FARP2: variants seen among roughly 807,000 people sequenced by gnomAD.
The protein encoded by FARP2 is FERM, ARHGEF and pleckstrin domain-containing protein 2.
In FARP2, 111 loss-of-function variants were observed where a neutral mutation model predicts 130.5. That is an observed-to-expected ratio of 0.85 (90% CI 0.73 to 1.00). The LOEUF (loss-of-function observed/expected upper bound fraction) is 1.00. Ranked by LOEUF, FARP2 falls within the 50% of genes least tolerant of loss-of-function variation. The probability of loss-of-function intolerance (pLI) is 0.00; values close to 1 mark genes in which losing one functional copy is unlikely to be tolerated. For missense variants in FARP2, 1,385 were observed against 1,346.3 expected, an observed-to-expected ratio of 1.03 and a Z score of -0.45; for synonymous variants, 504 against 516.9, an observed-to-expected ratio of 0.98 and a Z score of 0.34.
At chr2:241,473,142 C>A (rs1197841146) in intron 18 of FARP2, among the ~76,000 whole-genome samples, 3 of 151,028 alleles carry the variant, frequency 2.0e-5, no homozygotes, top group Non-Finnish European at 4.4e-5. Context: ...GACTCTTTTT[C>A]TGAGGGGACT....
At chr2:241,445,052 C>T (rs528033416) in intron 13 of FARP2, 2 of 152,338 alleles carry the variant, frequency 1.3e-5, no homozygotes, top group South Asian at 2.1e-4. Flanking sequence ...ACCCCAGCCT[C>T]CTGAGTAGCT....
intron 12 of FARP2, among the ~76,000 whole-genome samples, chr2:241,440,957 A>G (rs1297249541): frequency 6.6e-6 from 1 of 152,114 alleles, no homozygotes; most frequent in East Asian, 1.9e-4. Context: ...TTGAGCTATG[A>G]TGGCACCACT....
At chr2:241,375,403 AGT>A (rs1272765874) in intron 2 of FARP2, among the ~76,000 whole-genome samples, 1 of 151,832 alleles carries the variant, frequency 6.6e-6, no homozygotes, top group Non-Finnish European at 1.5e-5. Flanking sequence ...TTACTTTTAG[AGT>A]GTCTTTTTTT....
At chr2:241,427,109 C>T (rs1234980470) in intron 8 of FARP2, among the ~76,000 whole-genome samples, 3 of 152,058 alleles carry the variant, frequency 2.0e-5, no homozygotes, top group African/African-American at 7.3e-5. Flanking sequence ...GTGGCAGGTG[C>T]CTGTAATGCC....
At chr2:241,479,766 G>A (rs1237126851) in intron 19 of FARP2, among the ~76,000 whole-genome samples, 1 of 152,184 alleles carries the variant, frequency 6.6e-6, no homozygotes, top group Non-Finnish European at 1.5e-5. Flanking sequence ...GTGGGCTCAC[G>A]GGGGAGCTGG....
Position 241,490,036 on chromosome 2 carries a change from G to A in FARP2, c.2496G>A (p.Val832=). ...ACGCGGCTCAGAAAACAATCGTGGT[G>A]GCAGCCAGGTAAGGGTCTTCCATGT... ...TIYAAQKTIV[V]AASTRLEKEK... Residue 832 remains valine, a synonymous_variant, in exon 22 of 27, where the codon GTG becomes GTA. Transcript: ENST00000264042. The A allele has an allele frequency of 1.2e-6, 2 of 1,613,198 alleles. No homozygotes were observed. Among genetic ancestry groups the A allele is most frequent in the Non-Finnish European group, 1.7e-6 (2 of 1,179,146 alleles).
At chr2:241,491,403 A>G in intron 23 of FARP2, 113 bp from the exon 24 acceptor site, 1 of 1,230,110 alleles carries the variant, frequency 8.1e-7, no homozygotes, top group Non-Finnish European at 1.1e-6. Flanking sequence ...CTGGCCTAGC[A>G]CCAAGGGCTC....
Position 241,491,137 on chromosome 2 carries a change from G to A in FARP2, c.2581G>A (p.Ala861Thr). The A allele has an allele frequency of 6.2e-7, 1 of 1,613,204 alleles. No individual in the cohort carries two copies. Among genetic ancestry groups the A allele is most frequent in the Non-Finnish European group, 8.5e-7 (1 of 1,179,966 alleles). Residue 861 changes from alanine to threonine, a missense_variant, in exon 23 of 27, where the codon GCC (alanine) becomes ACC (threonine). Ala to Thr is a moderately conservative substitution (Grantham distance 58). Transcript: ENST00000264042. ...IQAAKSGGDT[A>T]PALPGRTVCT... ...AGCAGCCAAGAGTGGCGGTGACACGGCCCCTGCACTGCCAGGCCGCACTGT... is the reference window on the plus strand; with the variant it reads ...AGCAGCCAAGAGTGGCGGTGACACGACCCCTGCACTGCCAGGCCGCACTGT...
chr2:241,463,368 A>C lies in FARP2; in HGVS notation c.1711A>C (p.Met571Leu). The C allele has an allele frequency of 6.2e-7, 1 of 1,614,158 alleles. No individual in the cohort carries two copies. The highest frequency in any genetic ancestry group is 8.5e-7 in the Non-Finnish European group (1 of 1,180,030). The change falls in exon 16 of 27, where the codon ATG becomes CTG. Residue 571 changes from methionine (M) to leucine (L), a missense_variant. Met to Leu is a conservative substitution (Grantham distance 15). Coordinates refer to ENST00000264042, the MANE Select transcript of FARP2 (RefSeq NM_014808.4). ...FRSAVVKEDAMPATLMTLLFS... is the reference protein window; with the variant it reads ...FRSAVVKEDALPATLMTLLFS... ...CAGCGCAGTGGTGAAGGAGGACGCC[A>C]TGCCTGCGACTCTGATGACGCTGCT... is the stretch of plus-strand genomic sequence containing the variant.
intron 5 of FARP2, among the ~76,000 whole-genome samples, chr2:241,409,038 T>TGATGATAGATAGATA (rs150148072): frequency 6.9e-6 from 1 of 145,930 alleles, no homozygotes; most frequent in Non-Finnish European, 1.5e-5. Flanking sequence ...GATAGATAGA[T>TGATGATAGATAGATA]GATAGATAGA....
At chr2:241,464,110 A>G in intron 17 of FARP2, 130 bp downstream of exon 17, 1 of 706,796 alleles carries the variant, frequency 1.4e-6, no homozygotes, top group Admixed American at 2.2e-5. Flanking sequence ...TCCCCCTCAG[A>G]GTAGGGTCTC....
intron 21 of FARP2, chr2:241,488,470 GCC>G (rs1559814871): frequency 1.4e-5 from 2 of 144,532 alleles, no homozygotes; most frequent in Non-Finnish European, 3.0e-5. Context: ...AGGCTGGAGT[GCC>G]CAGGCACGAT....
intron 19 of FARP2, among the ~76,000 whole-genome samples, chr2:241,476,703 T>A (rs1465556713): frequency 6.6e-6 from 1 of 151,706 alleles, no homozygotes; most frequent in Non-Finnish European, 1.5e-5. Context: ...ATAAAATAAA[T>A]AAAATAAAAT....
intron 9 of FARP2, among the ~76,000 whole-genome samples, chr2:241,433,309 C>T (rs1000697080): frequency 6.6e-6 from 1 of 152,152 alleles, no homozygotes; most frequent in East Asian, 1.9e-4. Flanking sequence ...CAAAGTATTA[C>T]AGTCTTTGTG....
chr2:241,429,825 G>A (rs1430713609), intron 8 of FARP2, among the ~76,000 whole-genome samples: 1 of 152,194 alleles, frequency 6.6e-6, no homozygotes, highest in East Asian at 1.9e-4. Context: ...TCAGGTGCCT[G>A]TATTCCCAGC....
At chr2:241,404,754 G>A in intron 3 of FARP2, 45 bp from the exon 4 acceptor site, 1 of 1,435,478 alleles carries the variant, frequency 7.0e-7, no homozygotes. Context: ...GTTAAATAGA[G>A]ACATTATTTA....
At position 241,413,375 on chromosome 2, in the gene FARP2, C is replaced by A; in HGVS notation, c.577C>A (p.Gln193Lys). Reference sequence around the variant, plus strand: ...CAAAGTGAACGAGTATTTGCCTGGCCAGCAGCACTGCCTTGAGAAGATACT... The same window carrying A: ...CAAAGTGAACGAGTATTTGCCTGGCAAGCAGCACTGCCTTGAGAAGATACT... The part of the protein sequence containing the change: ...HLKVNEYLPG[Q>K]QHCLEKILEF... Residue 193 changes from glutamine (Q) to lysine (K), a missense_variant, in exon 7 of 27, where the codon CAG becomes AAG. Transcript: ENST00000264042. 2 of 1,612,546 alleles carry A rather than the reference C, an allele frequency of 1.2e-6. No homozygotes were observed. The highest frequency in any genetic ancestry group is 1.1e-5 in the South Asian group (1 of 90,298).
At chr2:241,406,048 A>T (rs1232321770) in intron 4 of FARP2, among the ~76,000 whole-genome samples, 2 of 152,150 alleles carry the variant, frequency 1.3e-5, no homozygotes, top group East Asian at 1.9e-4. Context: ...TCACGCCTGT[A>T]ATCCCAGCAC....
chr2:241,430,394 C>G (rs998701153), intron 8 of FARP2, among the ~76,000 whole-genome samples: 1 of 152,162 alleles, frequency 6.6e-6, no homozygotes, highest in East Asian at 1.9e-4. Context: ...CTCAGTGTGC[C>G]CATTGCTTTG....
Sources: allele counts gnomAD v4.1 joint callset (sites outside exome capture counted in the v4.1 genomes callset), GRCh38; gene constraint gnomAD v4.1.1; transcripts MANE v1.5; gene names NCBI Gene and HGNC (gene_info 2026-07-23, HGNC 2026-07-21).